CACNG2: variants seen among roughly 807,000 people sequenced by gnomAD.
The protein encoded by CACNG2 is calcium voltage-gated channel auxiliary subunit gamma 2, also known as voltage-dependent calcium channel gamma-2 subunit.
A neutral mutation model predicts 25.9 loss-of-function variants in CACNG2; 3 were observed. The ratio of observed to expected loss-of-function variants is 0.12; its 90% confidence interval spans 0.05 to 0.30. The LOEUF (loss-of-function observed/expected upper bound fraction) is 0.30, where lower values mean the gene tolerates loss of function less well. CACNG2 is among the 10% of genes least tolerant of loss of function. CACNG2 has a pLI of 1.00. For synonymous variants in CACNG2, 167 were observed against 173.3 expected (o/e 0.96, Z 0.29); for missense variants, 341 against 432.5 (o/e 0.79, Z 1.88).
intron 1 of CACNG2, among the ~76,000 whole-genome samples, chr22:36,607,976 G>A (rs1410698723): frequency 1.3e-5 from 2 of 152,168 alleles, no homozygotes; most frequent in African/African-American, 4.8e-5. Context: ...GACATCTAGG[G>A]TGCAAAATTT....
At chr22:36,630,073 C>T (rs953465360) in intron 1 of CACNG2, among the ~76,000 whole-genome samples, 4 of 152,014 alleles carry the variant, frequency 2.6e-5, no homozygotes, top group Admixed American at 2.0e-4. Context: ...TTGGTGTCGA[C>T]GAGGACCAGA....
intron 1 of CACNG2, among the ~76,000 whole-genome samples, chr22:36,686,588 G>A (rs999083325): frequency 5.3e-5 from 8 of 152,156 alleles, no homozygotes; most frequent in African/African-American, 1.7e-4. Context: ...GCTGTGACCC[G>A]GAGGGAATAT....
chr22:36,635,103 G>A (rs971486671), intron 1 of CACNG2, among the ~76,000 whole-genome samples: 4 of 152,094 alleles, frequency 2.6e-5, no homozygotes, highest in African/African-American at 9.7e-5. Context: ...CTAACATGGT[G>A]AAACCCTGTC....
intron 1 of CACNG2, among the ~76,000 whole-genome samples, chr22:36,691,262 A>G (rs1937264876): frequency 6.6e-6 from 1 of 151,388 alleles, no homozygotes; most frequent in Admixed American, 6.6e-5. Flanking sequence ...TAAGTCCTGG[A>G]GACAAAGTAG....
intron 1 of CACNG2, among the ~76,000 whole-genome samples, chr22:36,698,188 C>T (rs1166324275): frequency 6.6e-6 from 1 of 152,168 alleles, no homozygotes; most frequent in Non-Finnish European, 1.5e-5. Context: ...CCCCACTCTC[C>T]TCCCTCTTTC....
At chr22:36,578,669 C>T (rs1365209059) in intron 2 of CACNG2, among the ~76,000 whole-genome samples, 1 of 152,136 alleles carries the variant, frequency 6.6e-6, no homozygotes, top group African/African-American at 2.4e-5. Flanking sequence ...GAAGGAGGGA[C>T]ACTGTCTGAG....
rs1002388581 is a variant in CACNG2 at position 36,606,794 on chromosome 22, A to ATG, written c.212-19248_212-19247dup. ...TGTGTGTGTGTATGTGTTTGTATGT[A>ATG]TGTGTGTGTGTATGTCTGTGTGATG... On this transcript the variant is annotated intron_variant, in intron 1 of 3. Transcript: ENST00000300105. This position sits in a 1 kb window ranked among gnomAD's most constrained non-coding sequence, Gnocchi z 5.7. Among the ~76,000 whole-genome samples, 1 of 146,702 alleles carries ATG rather than the reference A, an allele frequency of 6.8e-6. No homozygotes were observed. Among genetic ancestry groups the ATG allele is most frequent in the African/African-American group, 2.5e-5 (1 of 39,414 alleles).
chr22:36,685,737 G>C (rs971483225), intron 1 of CACNG2, among the ~76,000 whole-genome samples: 1 of 152,242 alleles, frequency 6.6e-6, no homozygotes, highest in African/African-American at 2.4e-5. Flanking sequence ...GGGGAGAGCC[G>C]CCTACCCTAG....
chr22:36,631,672 C>T (rs994079740), intron 1 of CACNG2, among the ~76,000 whole-genome samples: 4 of 152,034 alleles, frequency 2.6e-5, no homozygotes, highest in Non-Finnish European at 5.9e-5. Flanking sequence ...CTGTCTCACT[C>T]TCAGCCTCAG....
At chr22:36,648,998 T>C (rs1936569288) in intron 1 of CACNG2, among the ~76,000 whole-genome samples, 2 of 152,238 alleles carry the variant, frequency 1.3e-5, no homozygotes, top group Admixed American at 1.3e-4. Context: ...TGATTTCCCA[T>C]GTCTCCAAGA....
chr22:36,665,408 T>G (rs1325215729), intron 1 of CACNG2, among the ~76,000 whole-genome samples: 1 of 152,214 alleles, frequency 6.6e-6, no homozygotes, highest in East Asian at 1.9e-4. Context: ...CCAATGTGCA[T>G]GAAGCAAGTA....
rs541136134 is a variant in CACNG2 at position 36,672,087 on chromosome 22, T to C, written c.211+30279A>G. Among the ~76,000 whole-genome samples the C allele has an allele frequency of 1.7e-3, 259 of 152,200 alleles. 1 individual carries two copies. The highest frequency in any genetic ancestry group is 3.2e-3 in the Non-Finnish European group (218 of 67,972). ...GGCAAGAGGTGAACATGGACCTTGGTGTGCTGGGGTTGCTATAGCTACACA... is the reference window on the plus strand; with the variant it reads ...GGCAAGAGGTGAACATGGACCTTGGCGTGCTGGGGTTGCTATAGCTACACA... On this transcript the variant is annotated intron_variant, in intron 1 of 3. Coordinates refer to ENST00000300105, the MANE Select transcript of CACNG2 (RefSeq NM_006078.5).
At chr22:36,698,834 A>G (rs1297197096) in intron 1 of CACNG2, among the ~76,000 whole-genome samples, 1 of 152,086 alleles carries the variant, frequency 6.6e-6, no homozygotes, top group Non-Finnish European at 1.5e-5. Flanking sequence ...TGTTGGCTTC[A>G]CCTCTGAAGG....
rs542832664 is a variant in CACNG2, at chr22:36,563,306, C to A, written c.*1045G>T. Among the ~76,000 whole-genome samples, 1 of 152,132 alleles carries A rather than the reference C, an allele frequency of 6.6e-6. No homozygotes were observed. The highest frequency in any genetic ancestry group is 1.5e-5 in the Non-Finnish European group (1 of 67,954). On this transcript the variant is annotated 3_prime_UTR_variant, in exon 4 of 4. Coordinates refer to ENST00000300105, the MANE Select transcript of CACNG2 (RefSeq NM_006078.5). Reference sequence around the variant, plus strand: ...ATGAGTCAGGGGGTCCACCATCGCCCCAGGGTCATCAGGTGGCCCTGAGGT... The same window carrying A: ...ATGAGTCAGGGGGTCCACCATCGCCACAGGGTCATCAGGTGGCCCTGAGGT...
At chr22:36,617,690 G>T (rs752582054) in intron 1 of CACNG2, among the ~76,000 whole-genome samples, 1 of 149,330 alleles carries the variant, frequency 6.7e-6, no homozygotes, top group Non-Finnish European at 1.5e-5. Flanking sequence ...AAGGCAATGT[G>T]GTGTGATGGG....
chr22:36,649,606 G>A (rs1307150459), intron 1 of CACNG2, among the ~76,000 whole-genome samples: 1 of 152,158 alleles, frequency 6.6e-6, no homozygotes, highest in Non-Finnish European at 1.5e-5. Context: ...CTTTCAAACT[G>A]TGATATGGTT....
chr22:36,701,345 A>G (rs1937409130), intron 1 of CACNG2, among the ~76,000 whole-genome samples: 1 of 151,912 alleles, frequency 6.6e-6, no homozygotes, highest in Non-Finnish European at 1.5e-5. Flanking sequence ...AGGTTGGATG[A>G]CCCACAGGAG....
rs976327672 is a variant in CACNG2, at chr22:36,652,297, G to A, written c.211+50069C>T. Among the ~76,000 whole-genome samples the A allele has an allele frequency of 8.6e-5, 13 of 151,888 alleles. No individual in the cohort carries two copies. In the East Asian group the frequency reaches 9.7e-4, roughly 11 times the overall value. ...TCCAGGCATGCCCATGTGTTCCCCC[G>A]CCATTCCCCACTGCTTTCTTCCTAG... On this transcript the variant is annotated intron_variant, in intron 1 of 3. Coordinates refer to ENST00000300105, the MANE Select transcript of CACNG2 (RefSeq NM_006078.5).
At chr22:36,608,700 A>C (rs1379813762) in intron 1 of CACNG2, among the ~76,000 whole-genome samples, 1 of 148,674 alleles carries the variant, frequency 6.7e-6, no homozygotes, top group Non-Finnish European at 1.5e-5. Context: ...ATTCCTCAAC[A>C]TCTTTTTTTT....
Sources: allele counts gnomAD v4.1 joint callset (sites outside exome capture counted in the v4.1 genomes callset), GRCh38; gene constraint gnomAD v4.1.1; non-coding constraint Gnocchi (gnomAD v3.1); transcripts MANE v1.5; gene names NCBI Gene and HGNC (gene_info 2026-07-23, HGNC 2026-07-21).